The following LAMP2 variants were observed in gnomAD, a reference collection of about 807,000 sequenced individuals.
The protein encoded by LAMP2 is lysosome associated membrane protein 2.
In LAMP2, 4 loss-of-function variants were observed where a neutral mutation model predicts 25.6. That is an observed-to-expected ratio of 0.16 (90% CI 0.08 to 0.36). The LOEUF (loss-of-function observed/expected upper bound fraction) is 0.36, where lower values mean the gene tolerates loss of function less well. Among genes scored for constraint, LAMP2 ranks in the 10% least tolerant of loss-of-function variants. The pLI, the probability that LAMP2 is intolerant of heterozygous loss-of-function variation, is 1.00. For missense variants in LAMP2, 272 were observed against 301.4 expected, an observed-to-expected ratio of 0.90 and a Z score of 0.72; for synonymous variants, 108 against 112.7, an observed-to-expected ratio of 0.96 and a Z score of 0.27.
intron 7 of LAMP2, among the ~76,000 whole-genome samples, chrX:120,442,208 C>A (rs1337107336): frequency 3.5e-5 from 3 of 85,645 alleles, no homozygotes; most frequent in Non-Finnish European, 6.5e-5. Flanking sequence ...CTGGCCTGGG[C>A]ATAGAGCGAG....
At position 120,455,023 on chromosome X, in the gene LAMP2, GTA is replaced by G. The variant is rs764285343; in HGVS notation, c.397+332_397+333del. Among the ~76,000 whole-genome samples, 899 of 98,944 alleles carry G rather than the reference GTA, an allele frequency of 9.1e-3. 4 individuals carry two copies. Among genetic ancestry groups the G allele is most frequent in the Middle Eastern group, 0.026 (5 of 189 alleles). 85.9% of individuals were successfully genotyped at this position (98,944 alleles called of 115,157 possible). A position where few individuals can be genotyped will look rare whatever the true frequency, so the allele number is the denominator to read the frequency against. On this transcript the variant is annotated intron_variant, in intron 3 of 8. Coordinates refer to ENST00000200639, the MANE Select transcript of LAMP2 (RefSeq NM_002294.3). Reference sequence around the variant, plus strand: ...TGTATATATATACTAGGATATATGTGTATATATATATATACATATATACTAGG... The same window carrying G: ...TGTATATATATACTAGGATATATGTGTATATATATATACATATATACTAGG...
At chrX:120,447,281 G>A (rs1430949896) in intron 5 of LAMP2, among the ~76,000 whole-genome samples, 2 of 111,519 alleles carry the variant, frequency 1.8e-5, no homozygotes, top group African/African-American at 3.3e-5. Context: ...GGCAGTGCAC[G>A]CCTGTAACCC....
At chrX:120,446,568 A>G in intron 5 of LAMP2, 141 bp from the exon 6 acceptor site, 1 of 628,222 alleles carries the variant, frequency 1.6e-6, no homozygotes, top group African/African-American at 2.2e-5. Context: ...TGGTGTCTTC[A>G]CTTTCAAACA....
chrX:120,439,180 T>A, intron 8 of LAMP2: 1 of 1,210,220 alleles, frequency 8.3e-7, no homozygotes, highest in Non-Finnish European at 1.1e-6. Context: ...CCAGCATAAC[T>A]TTTTCTTCTG....
intron 8 of LAMP2, chrX:120,438,724 ACAC>A: frequency 1.3e-6 from 1 of 794,902 alleles, no homozygotes; most frequent in Non-Finnish European, 1.5e-6. Flanking sequence ...ACACACACAC[ACAC>A]ACACAAAAAG....
chrX:120,467,204 GTCC>G (rs1304678383), intron 1 of LAMP2, among the ~76,000 whole-genome samples: 1 of 109,458 alleles, frequency 9.1e-6, no homozygotes, highest in Non-Finnish European at 1.9e-5. Flanking sequence ...GCATGAAAAG[GTCC>G]TCGAGAGTCA....
rs113142680 is a variant in LAMP2 at position 120,453,983 on chromosome X, G to A, written c.397+1374C>T. ...TTGACTTTAGTCTCCCCTTATCCAC[G>A]GTTTTTGCTTTCCCTGGTTTCAGTT... On this transcript the variant is annotated intron_variant, in intron 3 of 8. Transcript: ENST00000200639. Among the ~76,000 whole-genome samples the A allele has an allele frequency of 3.9e-3, 432 of 111,371 alleles. 1 individual carries two copies. The highest frequency in any genetic ancestry group is 0.013 in the African/African-American group (413 of 30,663).
In LAMP2 at chrX:120,455,378, A is replaced by G. The variant is rs1921041200; in HGVS notation, c.376T>C (p.Phe126Leu). The G allele has an allele frequency of 8.3e-7, 1 of 1,199,501 alleles. No individual in the cohort carries two copies. The highest frequency in any genetic ancestry group is 1.8e-5 in the African/African-American group (1 of 56,718). ...FSYNTGDNTT[F>L]PDAEDKGILT... is the part of the protein sequence containing the mutation. ...TTACCTTTATCTTCAGCATCAGGAA[A>G]TGTTGTGTTATCACCAGTGTTGTAG... The change falls in exon 3 of 9, where the codon TTT becomes CTT. Residue 126 changes from phenylalanine (F) to leucine (L), a missense_variant. Phe to Leu is a conservative substitution (Grantham distance 22). Transcript: ENST00000200639.
chrX:120,445,220 T>C (rs2058590820), intron 6 of LAMP2, among the ~76,000 whole-genome samples: 2 of 112,142 alleles, frequency 1.8e-5, no homozygotes, highest in African/African-American at 6.5e-5. Context: ...AGAGGACAAA[T>C]TCAATTAGAC....
chrX:120,438,692 TCACACACACACACACACA>T (rs67522937), intron 8 of LAMP2: 1 of 662,426 alleles, frequency 1.5e-6, no homozygotes, highest in Non-Finnish European at 1.8e-6. Flanking sequence ...CAAACAAAAA[TCACACACACACACACACA>T]CACACACACA....
chrX:120,466,515 G>T, intron 1 of LAMP2, among the ~76,000 whole-genome samples: 1 of 111,360 alleles, frequency 9.0e-6, no homozygotes, highest in African/African-American at 3.3e-5. Context: ...TTCCAATTAA[G>T]TATTCAAGCA....
At position 120,459,721 on chromosome X, in the gene LAMP2, G is replaced by A. The variant is rs140581420; in HGVS notation, c.65-2952C>T. Among the ~76,000 whole-genome samples the A allele has an allele frequency of 4.3e-3, 481 of 112,138 alleles. 1 individual carries two copies. Among genetic ancestry groups the A allele is most frequent in the African/African-American group, 0.011 (325 of 30,835 alleles). On this transcript the variant is annotated intron_variant, in intron 1 of 8. Coordinates refer to ENST00000200639, the MANE Select transcript of LAMP2 (RefSeq NM_002294.3). The stretch of plus-strand genomic sequence containing the variant: ...TAACAGATGTAAGGGAAAAGTGCAC[G>A]TAACATTAAGTCTACAGCTCAAATA...
At chrX:120,436,170 A>ACTCTCTCTCTCT (rs1232205922) in intron 8 of LAMP2, among the ~76,000 whole-genome samples, 1 of 57,307 alleles carries the variant, frequency 1.7e-5, no homozygotes, top group African/African-American at 5.0e-5. Context: ...ACACACACAC[A>ACTCTCTCTCTCT]CTCTCTCTCT....
At chrX:120,446,503 C>A in intron 5 of LAMP2, 76 bp from the exon 6 acceptor site, 3 of 1,033,302 alleles carry the variant, frequency 2.9e-6, no homozygotes, top group Non-Finnish European at 4.1e-6. Context: ...CTCTACCAAA[C>A]AAAATCAACT....
intron 3 of LAMP2, among the ~76,000 whole-genome samples, chrX:120,450,939 T>G (rs2058618611): frequency 9.1e-6 from 1 of 110,063 alleles, no homozygotes; most frequent in African/African-American, 3.3e-5. Flanking sequence ...ATATATAATT[T>G]TTTTTTGAGA....
intron 8 of LAMP2, chrX:120,439,037 A>G: frequency 8.6e-7 from 1 of 1,158,898 alleles, no homozygotes; most frequent in South Asian, 2.0e-5. Flanking sequence ...AATCCCCCAT[A>G]CCACCCATTC....
chrX:120,449,326 G>T (rs2058611559), intron 3 of LAMP2, among the ~76,000 whole-genome samples, 198 bp from the exon 4 acceptor site: 1 of 112,769 alleles, frequency 8.9e-6, no homozygotes, highest in African/African-American at 3.2e-5. Context: ...AAGAAATGGG[G>T]GTTAGGGGCT....
intron 8 of LAMP2, among the ~76,000 whole-genome samples, chrX:120,440,112 C>T (rs928425503): frequency 2.7e-5 from 3 of 112,155 alleles, no homozygotes; most frequent in African/African-American, 9.7e-5. Context: ...TTGCTGTTTT[C>T]GTGCTACAAT....
chrX:120,461,894 G>A (rs757874781), intron 1 of LAMP2, among the ~76,000 whole-genome samples: 3 of 111,779 alleles, frequency 2.7e-5, no homozygotes, highest in Non-Finnish European at 5.6e-5. Context: ...CCCATGTTGG[G>A]TTTCACTTCA....
Sources: allele counts gnomAD v4.1 joint callset (sites outside exome capture counted in the v4.1 genomes callset), GRCh38; gene constraint gnomAD v4.1.1; transcripts MANE v1.5; gene names NCBI Gene and HGNC (gene_info 2026-07-23, HGNC 2026-07-21).